SLC12A8: variants seen among roughly 807,000 people sequenced by gnomAD.
The protein encoded by SLC12A8 is cation-chloride cotransporter 9.
Under a neutral mutation model 75.6 loss-of-function variants are expected in SLC12A8, and 69 were observed. The ratio of observed to expected loss-of-function variants is 0.91; its 90% confidence interval spans 0.75 to 1.11. SLC12A8 has a LOEUF of 1.11. Ranked by LOEUF, SLC12A8 falls within the 50% of genes most tolerant of loss-of-function variation. SLC12A8 has a pLI of 0.00. For synonymous variants in SLC12A8, 365 were observed against 372.8 expected (o/e 0.98, Z 0.24); for missense variants, 877 against 896.7 (o/e 0.98, Z 0.28).
intron 6 of SLC12A8, among the ~76,000 whole-genome samples, chr3:125,123,140 C>T (rs1489367729): frequency 2.0e-5 from 3 of 151,828 alleles, no homozygotes; most frequent in South Asian, 2.1e-4. Context: ...TTTGGGAGGC[C>T]GAGGCAGGCA....
rs759195788 is a variant in SLC12A8, at chr3:125,135,714, C to A, written c.691G>T (p.Glu231Ter). 6.2e-7 allele frequency: 1 copy of A among 1,609,558 alleles called. No homozygotes were observed. The highest frequency in any genetic ancestry group is 8.5e-7 in the Non-Finnish European group (1 of 1,177,272). Residue 231 changes from glutamate to a stop codon, truncating the protein, a stop_gained, in exon 6 of 14, where the codon GAA (glutamate) becomes TAA (stop). Transcript: ENST00000469902. LOFTEE classifies it high-confidence loss of function. The stretch of plus-strand genomic sequence containing the variant: ...ACCCCAAAGACAGTGAAAAAAGATT[C>A]CCCCGGGCTGTAATCGGGCAGCGTG... ...NNTLPDYSPGESFFTVFGVFF... is the reference protein window; with the variant it reads ...NNTLPDYSPG
At chr3:125,174,144 A>G (rs1163334320) in intron 5 of SLC12A8, among the ~76,000 whole-genome samples, 2 of 152,230 alleles carry the variant, frequency 1.3e-5, no homozygotes, top group Admixed American at 6.5e-5. Flanking sequence ...AAACAAAAAA[A>G]CACAAGTTTT....
At chr3:125,151,397 A>G (rs1933919261) in intron 5 of SLC12A8, 1 of 154,224 alleles carries the variant, frequency 6.5e-6, no homozygotes, top group South Asian at 2.0e-4. Flanking sequence ...AAACTCATGG[A>G]AAGGGAAGAA....
In SLC12A8 at chr3:125,136,272, C is replaced by T. The variant is rs639703; in HGVS notation, c.623-490G>A. ...CTACTCATCCCTTGCTTTTTCTCCT[C>T]CCCAGCAGCCACACCCTGAGGAAGG... On this transcript the variant is annotated intron_variant, in intron 5 of 13. Transcript: ENST00000469902. Among the ~76,000 whole-genome samples, 588 of 152,292 alleles carry T rather than the reference C, an allele frequency of 3.9e-3. 18 individuals carry two copies. Among genetic ancestry groups the T allele is most frequent in the Admixed American group, 0.036 (552 of 15,302 alleles).
In SLC12A8 at chr3:125,120,962, A is replaced by AG. The variant is rs761833814; in HGVS notation, c.737-277dup. The AG allele has an allele frequency of 5.1e-5, 34 of 669,628 alleles. 1 individual carries two copies. Among genetic ancestry groups the AG allele is most frequent in the South Asian group, 5.1e-4 (31 of 61,362 alleles). The allele number at this position is 669,628 out of a possible 1,614,324, so 41.5% of individuals were successfully genotyped here. A position where few individuals can be genotyped will look rare whatever the true frequency, so the allele number is the denominator to read the frequency against. Reference sequence around the variant, plus strand: ...TCCTACCGCTCAGCGCAAAGCAACCAGGGGGGAGGAAAGCGGCTTGCAAGG... The same window carrying AG: ...TCCTACCGCTCAGCGCAAAGCAACCAGGGGGGGAGGAAAGCGGCTTGCAAGG... On this transcript the variant is annotated intron_variant, in intron 6 of 13. Coordinates refer to ENST00000469902, the MANE Select transcript of SLC12A8 (RefSeq NM_024628.6).
intron 13 of SLC12A8, 186 bp downstream of exon 13, chr3:125,088,124 G>A (rs902022406): frequency 1.0e-5 from 6 of 592,300 alleles, no homozygotes; most frequent in South Asian, 8.7e-5. Context: ...CTGATGAGCC[G>A]AATCTGGGGG....
chr3:125,083,688 C>T lies in SLC12A8; in HGVS notation c.*202G>A, dbSNP rs1414348171. The T allele has an allele frequency of 1.9e-5, 10 of 525,212 alleles. No homozygotes were observed. Among genetic ancestry groups the T allele is most frequent in the Non-Finnish European group, 3.0e-5 (9 of 301,950 alleles). The allele number at this position is 525,212 out of a possible 1,614,324, so 32.5% of individuals were successfully genotyped here. A position where few individuals can be genotyped will look rare whatever the true frequency, so the allele number is the denominator to read the frequency against. ...AGTGAGCCAAGATTGTGCCACTGGA[C>T]TCCAGCCTGGGTGACAGGGCGAGAC... On this transcript the variant is annotated 3_prime_UTR_variant, in exon 14 of 14. Transcript: ENST00000469902.
chr3:125,099,577 TA>T (rs1938807648), intron 10 of SLC12A8, among the ~76,000 whole-genome samples: 1 of 152,120 alleles, frequency 6.6e-6, no homozygotes, highest in Admixed American at 6.6e-5. Context: ...ACGATAATGT[TA>T]ATGAGAAAAA....
At position 125,115,691 on chromosome 3, in the gene SLC12A8, C is replaced by T. The variant is rs766774126; in HGVS notation, c.912+3078G>A. Reference sequence around the variant, plus strand: ...GAAAGGAATCCAGGGCAGCCTGCAGCCATTGAAGATAATTGTTCTGGCAGA... The same window carrying T: ...GAAAGGAATCCAGGGCAGCCTGCAGTCATTGAAGATAATTGTTCTGGCAGA... On this transcript the variant is annotated intron_variant, in intron 8 of 13. Transcript: ENST00000469902. Among the ~76,000 whole-genome samples the T allele has an allele frequency of 2.0e-5, 3 of 152,064 alleles. No individual in the cohort carries two copies. In the East Asian group the frequency reaches 5.8e-4, roughly 29 times the overall value.
rs1321292278 is a variant in SLC12A8 at position 125,108,194 on chromosome 3, T to C, written c.1060-68A>G. 2.7e-6 allele frequency: 4 copies of C among 1,487,146 alleles called. No individual in the cohort carries two copies. In the East Asian group the frequency reaches 6.8e-5, roughly 25 times the overall value. The allele number at this position is 1,487,146 out of a possible 1,614,324, so 92.1% of individuals were successfully genotyped here. A position where few individuals can be genotyped will look rare whatever the true frequency, so the allele number is the denominator to read the frequency against. On this transcript the variant is annotated intron_variant, in intron 9 of 13. Transcript: ENST00000469902. The stretch of plus-strand genomic sequence containing the variant: ...TAGAACGCTTCAGAGATTTCAGAAG[T>C]TACAGGCTAGAAACACAACTCATAA...
intron 4 of SLC12A8, among the ~76,000 whole-genome samples, chr3:125,184,521 T>C (rs948675534): frequency 6.6e-6 from 1 of 152,088 alleles, no homozygotes; most frequent in African/African-American, 2.4e-5. Flanking sequence ...ATATTTATGA[T>C]CTGGCCCTTT....
intron 6 of SLC12A8, among the ~76,000 whole-genome samples, chr3:125,124,129 C>T (rs1310741323): frequency 6.6e-6 from 1 of 152,080 alleles, no homozygotes; most frequent in Non-Finnish European, 1.5e-5. Context: ...ATGAGCCAGG[C>T]CCAGATATGG....
intron 6 of SLC12A8, chr3:125,123,749 C>T (rs1350053971): frequency 6.6e-6 from 1 of 152,136 alleles, no homozygotes; most frequent in African/African-American, 2.4e-5. Flanking sequence ...CCTCCCACGA[C>T]ACATAGGAAT....
Position 125,187,422 on chromosome 3 carries a change from T to C in SLC12A8, c.205A>G (p.Thr69Ala), listed in dbSNP as rs749793628. 3.7e-6 allele frequency: 6 copies of C among 1,613,814 alleles called. No individual in the cohort carries two copies. The highest frequency in any genetic ancestry group is 4.2e-6 in the Non-Finnish European group (5 of 1,179,946). Residue 69 changes from threonine (T) to alanine (A), a missense_variant, in exon 4 of 14, where the codon ACA becomes GCA. Thr to Ala is a moderately conservative substitution (Grantham distance 58). Transcript: ENST00000469902. ...AGGAACATGCCCAGGAGCACTCCTG[T>C]GTTTCCCTGCAGCAGAATAGCAAGG... is the stretch of plus-strand genomic sequence containing the variant. The part of the protein sequence containing the change: ...FLRTGWLVGN[T>A]GVLLGMFLVS...
intron 2 of SLC12A8, 70 bp from the exon 3 acceptor site, chr3:125,190,591 C>A (rs1934892844): frequency 6.4e-7 from 1 of 1,564,628 alleles, no homozygotes; most frequent in Non-Finnish European, 8.7e-7. Context: ...GAGAGTGGAA[C>A]AGGAGGAGGG....
intron 5 of SLC12A8, among the ~76,000 whole-genome samples, chr3:125,168,985 T>C (rs2107782676): frequency 1.3e-5 from 2 of 152,344 alleles, no homozygotes; most frequent in South Asian, 4.1e-4. Flanking sequence ...GTGCAGGCTC[T>C]GGAGTGGAAC....
intron 10 of SLC12A8, among the ~76,000 whole-genome samples, chr3:125,095,105 T>G (rs910715190): frequency 6.6e-6 from 1 of 152,228 alleles, no homozygotes; most frequent in Non-Finnish European, 1.5e-5. Flanking sequence ...AAGAGATTTC[T>G]TCTAGTCTCA....
At position 125,084,041 on chromosome 3, in the gene SLC12A8, G is replaced by T. The variant is rs200353603; in HGVS notation, c.1994C>A (p.Ser665Tyr). The T allele has an allele frequency of 3.1e-6, 5 of 1,611,276 alleles. No individual in the cohort carries two copies. In the African/African-American group the frequency reaches 4.0e-5, roughly 13 times the overall value. Residue 665 changes from serine (S) to tyrosine (Y), a missense_variant, in exon 14 of 14, where the codon TCC (serine) becomes TAC (tyrosine). Transcript: ENST00000469902. ...LLLPSCRSLRSPQEQIILAPS... is the reference protein window; with the variant it reads ...LLLPSCRSLRYPQEQIILAPS... ...CGCCAAGATGATCTGCTCCTGAGGG[G>T]ACCGCAAGCTCCTGCAGTGAGAGAG...
rs191459719 is a variant in SLC12A8, at chr3:125,113,497, C to T, written c.913-3162G>A. Among the ~76,000 whole-genome samples the T allele has an allele frequency of 9.2e-5, 14 of 152,258 alleles. No individual in the cohort carries two copies. The East Asian group carries it at 1.4e-3, about 15-fold the overall frequency. ...CATCCATTCAGGAAGCATTTCCTGACGACAGATTATGTTCCTGGCATGGTG... is the reference window on the plus strand; with the variant it reads ...CATCCATTCAGGAAGCATTTCCTGATGACAGATTATGTTCCTGGCATGGTG... On this transcript the variant is annotated intron_variant, in intron 8 of 13. Coordinates refer to ENST00000469902, the MANE Select transcript of SLC12A8 (RefSeq NM_024628.6).
Sources: allele counts gnomAD v4.1 joint callset (sites outside exome capture counted in the v4.1 genomes callset), GRCh38; gene constraint gnomAD v4.1.1; transcripts MANE v1.5; gene names NCBI Gene and HGNC (gene_info 2026-07-23, HGNC 2026-07-21).